FAM168A: variants seen among roughly 807,000 people sequenced by gnomAD.
FAM168A encodes the protein family with sequence similarity 168 member A.
In FAM168A, 3 loss-of-function variants were observed where a neutral mutation model predicts 28.5. That is an observed-to-expected ratio of 0.11 (90% CI 0.05 to 0.27). The LOEUF (loss-of-function observed/expected upper bound fraction) is 0.27, where lower values mean the gene tolerates loss of function less well. FAM168A is among the 10% of genes least tolerant of loss of function. The pLI is 1.00. For missense variants in FAM168A, 222 were observed against 311.5 expected, an observed-to-expected ratio of 0.71 and a Z score of 2.16; for synonymous variants, 122 against 124.2, an observed-to-expected ratio of 0.98 and a Z score of 0.12.
intron 2 of FAM168A, among the ~76,000 whole-genome samples, chr11:73,459,949 T>C (rs1867614393): frequency 6.7e-6 from 1 of 149,610 alleles, no homozygotes; most frequent in African/African-American, 2.5e-5. Context: ...GGCACAATCT[T>C]GACTCACTGC....
At chr11:73,410,725 G>A (rs1402088629) in intron 5 of FAM168A, 1 of 152,150 alleles carries the variant, frequency 6.6e-6, no homozygotes, top group African/African-American at 2.4e-5. Flanking sequence ...AAATATAGCT[G>A]TTTTTTAAAC....
chr11:73,575,710 A>G (rs900564392), intron 1 of FAM168A, among the ~76,000 whole-genome samples: 2 of 152,206 alleles, frequency 1.3e-5, no homozygotes, highest in Non-Finnish European at 2.9e-5. Context: ...TCTCTACTAA[A>G]ACATAAAAAT....
intron 1 of FAM168A, among the ~76,000 whole-genome samples, chr11:73,583,954 C>T (rs1045233203): frequency 6.6e-6 from 1 of 152,134 alleles, no homozygotes. Flanking sequence ...TACAATGACA[C>T]TTGGTTGAAG....
intron 3 of FAM168A, among the ~76,000 whole-genome samples, chr11:73,422,021 C>A (rs1239844729): frequency 1.3e-5 from 2 of 152,064 alleles, no homozygotes; most frequent in African/African-American, 4.8e-5. Flanking sequence ...GTAAATCATT[C>A]TTTTATCCAA....
intron 1 of FAM168A, among the ~76,000 whole-genome samples, chr11:73,539,461 G>T (rs991693771): frequency 1.3e-5 from 2 of 152,048 alleles, no homozygotes; most frequent in African/African-American, 4.8e-5. Flanking sequence ...AGTACAGATG[G>T]GGTTTTACTG....
Position 73,564,903 on chromosome 11 carries a change from A to G in FAM168A, c.-19+33020T>C, listed in dbSNP as rs1216119772. On this transcript the variant is annotated intron_variant, in intron 1 of 7. Transcript: ENST00000356467. Reference sequence around the variant, plus strand: ...GAAGGCCACCCTAAGACTTTAGGGAAGTCTTCAAAGAGGTGGTACTGACCA... The same window carrying G: ...GAAGGCCACCCTAAGACTTTAGGGAGGTCTTCAAAGAGGTGGTACTGACCA... Among the ~76,000 whole-genome samples, 3 of 152,024 alleles carry G rather than the reference A, an allele frequency of 2.0e-5. 1 individual carries two copies. The highest frequency in any genetic ancestry group is 1.3e-4 in the Admixed American group (2 of 15,260).
chr11:73,539,883 T>A (rs1943632669), intron 1 of FAM168A, among the ~76,000 whole-genome samples: 1 of 152,182 alleles, frequency 6.6e-6, no homozygotes, highest in African/African-American at 2.4e-5. Context: ...TTATCTGAAT[T>A]TCCCAAGGCA....
chr11:73,505,233 G>A (rs1320217962), intron 1 of FAM168A, among the ~76,000 whole-genome samples: 4 of 144,308 alleles, frequency 2.8e-5, no homozygotes, highest in African/African-American at 1.1e-4. Context: ...ATGGAGTTTT[G>A]CAAAAAGGAA....
chr11:73,588,467 T>C (rs1045757515), intron 1 of FAM168A, among the ~76,000 whole-genome samples: 2 of 151,942 alleles, frequency 1.3e-5, no homozygotes, highest in Admixed American at 6.6e-5. Flanking sequence ...GGGTCAGGGG[T>C]ATCACTTGAG....
intron 1 of FAM168A, among the ~76,000 whole-genome samples, chr11:73,484,548 CTATATCTATATATCTA>C (rs757019842): frequency 1.6e-5 from 2 of 124,866 alleles, no homozygotes; most frequent in Middle Eastern, 4.1e-3. Flanking sequence ...ATATATCTAT[CTATATCTATATATCTA>C]TATATCTATA....
intron 2 of FAM168A, among the ~76,000 whole-genome samples, chr11:73,465,329 C>G (rs1210595428): frequency 1.3e-5 from 2 of 151,130 alleles, no homozygotes; most frequent in Non-Finnish European, 2.9e-5. Context: ...ATGTTGAGGT[C>G]TTGACTACAC....
intron 1 of FAM168A, among the ~76,000 whole-genome samples, chr11:73,562,639 C>T (rs1410541068): frequency 6.6e-6 from 1 of 152,024 alleles, no homozygotes; most frequent in African/African-American, 2.4e-5. Context: ...TCAACCTGGC[C>T]AACACGGTGA....
chr11:73,417,176 T>C (rs1191368263), intron 4 of FAM168A, among the ~76,000 whole-genome samples: 16 of 152,206 alleles, frequency 1.1e-4, no homozygotes, highest in Admixed American at 1.0e-3. Context: ...TAAGGGCAGC[T>C]AGAGAGGTGG....
chr11:73,407,667 T>G (rs1164218388), intron 6 of FAM168A, 24 bp from the exon 7 acceptor site: 1 of 1,585,730 alleles, frequency 6.3e-7, no homozygotes, highest in Non-Finnish European at 8.6e-7. Context: ...GAGAGAAGAG[T>G]AACCTGACGA....
At chr11:73,504,651 G>A (rs1038331651) in intron 1 of FAM168A, among the ~76,000 whole-genome samples, 2 of 152,154 alleles carry the variant, frequency 1.3e-5, no homozygotes, top group Admixed American at 6.5e-5. Context: ...TCCCATTACT[G>A]GGTATATACC....
In FAM168A at chr11:73,418,861, T is replaced by G. The variant is rs948985267; in HGVS notation, c.277+1013A>C. On this transcript the variant is annotated intron_variant, in intron 4 of 7. Transcript: ENST00000356467. The stretch of plus-strand genomic sequence containing the variant: ...TCTTGTTCTGTCGCCCAGGCTGGAG[T>G]GCAGTGGCGTGATCTTGGCTCACTG... Among the ~76,000 whole-genome samples, 293 of 150,810 alleles carry G rather than the reference T, an allele frequency of 1.9e-3. 3 individuals carry two copies. Among genetic ancestry groups the G allele is most frequent in the African/African-American group, 6.6e-3 (268 of 40,872 alleles).
At chr11:73,520,296 C>CCTCAG (rs1190396715) in intron 1 of FAM168A, among the ~76,000 whole-genome samples, 1 of 152,062 alleles carries the variant, frequency 6.6e-6, no homozygotes, top group African/African-American at 2.4e-5. Context: ...GATCCACCCG[C>CCTCAG]CTCAGCCTCC....
At chr11:73,486,872 A>G (rs905596180) in intron 1 of FAM168A, among the ~76,000 whole-genome samples, 4 of 152,198 alleles carry the variant, frequency 2.6e-5, no homozygotes, top group Non-Finnish European at 5.9e-5. Flanking sequence ...CCCTAAACAT[A>G]TTTTCTTGCA....
Position 73,452,811 on chromosome 11 carries a change from A to AAAT in FAM168A, c.70+15591_70+15593dup, listed in dbSNP as rs754398178. On this transcript the variant is annotated intron_variant, in intron 2 of 7. Coordinates refer to ENST00000356467, the MANE Select transcript of FAM168A (RefSeq NM_015159.3). Reference sequence around the variant, plus strand: ...TGGTGTGGAATGTTTTGCAAAAAAAAAATAATAATAATAAGTAAAATAATG... The same window carrying AAAT: ...TGGTGTGGAATGTTTTGCAAAAAAAAAATAATAATAATAATAAGTAAAATAATG... Among the ~76,000 whole-genome samples the AAAT allele has an allele frequency of 6.1e-5, 9 of 148,464 alleles. No individual in the cohort carries two copies. The East Asian group carries it at 1.3e-3, about 22-fold the overall frequency.
Sources: gnomAD v4.1 joint callset for allele counts (sites outside exome capture counted in the v4.1 genomes callset) on GRCh38, gnomAD v4.1.1 for gene constraint, MANE v1.5 for transcripts, NCBI Gene and HGNC (gene_info 2026-07-23, HGNC 2026-07-21) for gene names.